Variants in MARCHF1 observed in about 807,000 individuals in gnomAD.
The protein encoded by MARCHF1 is membrane associated ring-CH-type finger 1, also known as E3 ubiquitin-protein ligase MARCHF1.
MARCHF1 carries 40 observed loss-of-function variants against 54.2 expected under a neutral mutation model. The observed-to-expected ratio is 0.74, with a 90% confidence interval of 0.57 to 0.96. MARCHF1 has a LOEUF of 0.96. Among genes scored for constraint, MARCHF1 ranks in the 40% least tolerant of loss-of-function variants. MARCHF1 has a pLI of 0.00. For synonymous variants in MARCHF1, 236 were observed against 236.3 expected (o/e 1.00, Z 0.01); for missense variants, 586 against 656.5 (o/e 0.89, Z 1.17).
chr4:163,725,512 T>C (rs763971329), intron 4 of MARCHF1, among the ~76,000 whole-genome samples: 3 of 151,114 alleles, frequency 2.0e-5, no homozygotes, highest in Non-Finnish European at 4.4e-5. Flanking sequence ...AATAATGACA[T>C]AAAAAGAAAA....
chr4:163,861,697 A>G (rs1158406647), intron 3 of MARCHF1, among the ~76,000 whole-genome samples: 1 of 152,090 alleles, frequency 6.6e-6, no homozygotes, highest in Non-Finnish European at 1.5e-5. Context: ...AAAATCCTAG[A>G]AAAGTATTTT....
intron 4 of MARCHF1, among the ~76,000 whole-genome samples, chr4:163,840,037 G>A (rs147786249): frequency 1.1e-3 from 166 of 152,190 alleles, no homozygotes; most frequent in African/African-American, 3.8e-3. Context: ...TGACATCACT[G>A]TAGATTTTAT....
At chr4:163,812,258 G>A (rs1044293139) in intron 4 of MARCHF1, among the ~76,000 whole-genome samples, 4 of 149,976 alleles carry the variant, frequency 2.7e-5, no homozygotes, top group African/African-American at 9.8e-5. Flanking sequence ...ATAATATATA[G>A]TTATATGTTA....
intron 3 of MARCHF1, among the ~76,000 whole-genome samples, chr4:163,963,232 C>A (rs1752374351): frequency 6.6e-6 from 1 of 151,888 alleles, no homozygotes; most frequent in Non-Finnish European, 1.5e-5. Context: ...TGTACTTTGA[C>A]TGTAGAGATC....
At chr4:163,717,795 CTTT>C (rs1313035992) in intron 4 of MARCHF1, among the ~76,000 whole-genome samples, 3 of 152,132 alleles carry the variant, frequency 2.0e-5, no homozygotes, top group African/African-American at 7.2e-5. Flanking sequence ...TAAATGTCTT[CTTT>C]TGAGAAGTGT....
At chr4:164,065,861 G>T (rs190670716) in intron 2 of MARCHF1, among the ~76,000 whole-genome samples, 1 of 152,136 alleles carries the variant, frequency 6.6e-6, no homozygotes, top group Non-Finnish European at 1.5e-5. Flanking sequence ...GGAAGTATCC[G>T]GTGTGGGAAA....
At chr4:164,244,944 G>T (rs892183373) in intron 1 of MARCHF1, among the ~76,000 whole-genome samples, 7 of 152,014 alleles carry the variant, frequency 4.6e-5, no homozygotes, top group African/African-American at 1.7e-4. Flanking sequence ...AATAACAGGA[G>T]CTGAAATTGT....
At chr4:163,601,809 C>G (rs1469766425) in intron 7 of MARCHF1, among the ~76,000 whole-genome samples, 6 of 151,854 alleles carry the variant, frequency 4.0e-5, no homozygotes, top group African/African-American at 1.4e-4. Context: ...AAAGGCACAA[C>G]TTGTTAAATA....
chr4:163,975,031 C>T (rs561085068), intron 3 of MARCHF1, among the ~76,000 whole-genome samples: 1 of 152,222 alleles, frequency 6.6e-6, no homozygotes, highest in South Asian at 2.1e-4. Context: ...AACTAGAAAA[C>T]TGGCTCTTCT....
At chr4:164,279,773 ATT>A (rs1056334451) in intron 1 of MARCHF1, among the ~76,000 whole-genome samples, 72 of 151,640 alleles carry the variant, frequency 4.7e-4, no homozygotes, top group African/African-American at 1.6e-3. Context: ...TAACTGCTAT[ATT>A]GTTTAACTAT....
chr4:164,223,586 T>G (rs905615968), intron 1 of MARCHF1, among the ~76,000 whole-genome samples: 1 of 151,996 alleles, frequency 6.6e-6, no homozygotes, highest in Admixed American at 6.6e-5. Context: ...CAGTATTTAT[T>G]GTAAATCTTG....
rs149552502 is a variant in MARCHF1 at position 164,222,193 on chromosome 4, A to G, written c.-322-110531T>C. Reference sequence around the variant, plus strand: ...TAAACTGTTTTGCTGTCATTTTAGTATAAAAACATATAACACCACCTGTCA... The same window carrying G: ...TAAACTGTTTTGCTGTCATTTTAGTGTAAAAACATATAACACCACCTGTCA... On this transcript the variant is annotated intron_variant, in intron 1 of 9. Coordinates refer to ENST00000514618, the MANE Select transcript of MARCHF1 (RefSeq NM_001394959.1). Among the ~76,000 whole-genome samples, 47 of 151,992 alleles carry G rather than the reference A, an allele frequency of 3.1e-4. No homozygotes were observed. In the Middle Eastern group the frequency reaches 0.01, roughly 33 times the overall value.
At chr4:163,995,828 C>A (rs1018431126) in intron 2 of MARCHF1, among the ~76,000 whole-genome samples, 1 of 152,004 alleles carries the variant, frequency 6.6e-6, no homozygotes, top group Non-Finnish European at 1.5e-5. Flanking sequence ...GTAGAAAAAT[C>A]TCCTGATCCA....
At chr4:163,888,415 T>C (rs1438108607) in intron 3 of MARCHF1, among the ~76,000 whole-genome samples, 1 of 152,188 alleles carries the variant, frequency 6.6e-6, no homozygotes, top group Non-Finnish European at 1.5e-5. Flanking sequence ...GGCAAATCCA[T>C]CACTACTTTG....
At chr4:163,745,808 G>T (rs1166918252) in intron 4 of MARCHF1, among the ~76,000 whole-genome samples, 2 of 151,590 alleles carry the variant, frequency 1.3e-5, no homozygotes, top group Non-Finnish European at 2.9e-5. Context: ...TTTTGAAGCT[G>T]GTCAGTTTAG....
chr4:164,301,136 C>T (rs563174522), intron 1 of MARCHF1, among the ~76,000 whole-genome samples: 111 of 151,942 alleles, frequency 7.3e-4, no homozygotes, highest in African/African-American at 2.7e-3. Flanking sequence ...ATGGTGAAAA[C>T]GAGAGACATT....
chr4:164,258,709 G>A (rs1733365430), intron 1 of MARCHF1, among the ~76,000 whole-genome samples: 1 of 152,054 alleles, frequency 6.6e-6, no homozygotes, highest in African/African-American at 2.4e-5. Flanking sequence ...TCAAAATAAA[G>A]TGTATCTCTT....
chr4:163,921,426 T>G (rs1206996265), intron 3 of MARCHF1, among the ~76,000 whole-genome samples: 1 of 152,182 alleles, frequency 6.6e-6, no homozygotes, highest in Admixed American at 6.6e-5. Flanking sequence ...ATTACATGTT[T>G]GCCTTTAATC....
At chr4:164,001,610 G>A (rs563174024) in intron 2 of MARCHF1, among the ~76,000 whole-genome samples, 1 of 151,952 alleles carries the variant, frequency 6.6e-6, no homozygotes, top group Admixed American at 6.6e-5. Flanking sequence ...GAAACAAGAA[G>A]GTAATTCCTA....
Sources: allele counts gnomAD v4.1 joint callset (sites outside exome capture counted in the v4.1 genomes callset), GRCh38; gene constraint gnomAD v4.1.1; transcripts MANE v1.5; gene names NCBI Gene and HGNC (gene_info 2026-07-23, HGNC 2026-07-21).